Variants in CCDC190 observed in about 807,000 individuals in gnomAD.
The protein encoded by CCDC190 is coiled-coil domain-containing protein 190.
In CCDC190, 10 loss-of-function variants were observed where a neutral mutation model predicts 13.1. The observed-to-expected ratio is 0.77, with a 90% CI of 0.47 to 1.30. The LOEUF is 1.30. Ranked by LOEUF, CCDC190 falls within the 50% of genes most tolerant of loss-of-function variation. The pLI, the probability that CCDC190 is intolerant of heterozygous loss-of-function variation, is 0.00. For missense variants in CCDC190, 375 were observed against 354.3 expected, an observed-to-expected ratio of 1.06 and a Z score of -0.47; for synonymous variants, 136 against 127.2, an observed-to-expected ratio of 1.07 and a Z score of -0.47.
Position 162,855,079 on chromosome 1 carries a change from T to C in CCDC190, c.592A>G (p.Ser198Gly), listed in dbSNP as rs746336650. The part of the protein sequence containing the change: ...IEQGPSSSPA[S>G]DSGMACADET... ...TCAGCACATGCCATTCCACTATCAC[T>C]AGCTGGGCTGGAACTAGGACCTTGT... is the stretch of plus-strand genomic sequence containing the variant. The change falls in exon 4 of 4, where the codon AGT becomes GGT. Residue 198 changes from serine to glycine, a missense_variant. Transcript: ENST00000367912. 5 of 1,614,008 alleles carry C rather than the reference T, an allele frequency of 3.1e-6. No individual in the cohort carries two copies. The South Asian group carries it at 3.3e-5, about 11-fold the overall frequency.
chr1:162,865,232 A>G (rs1650654811), upstream of CCDC190, among the ~76,000 whole-genome samples: 1 of 152,280 alleles, frequency 6.6e-6, no homozygotes, highest in African/African-American at 2.4e-5. Context: ...TTTGCACCTA[A>G]TATGGGAAGC....
In CCDC190 at chr1:162,859,494, C is replaced by T. The variant is rs1324381945; in HGVS notation, c.153G>A (p.Arg51=). The T allele has an allele frequency of 6.2e-7, 1 of 1,613,640 alleles. No homozygotes were observed. Among genetic ancestry groups the T allele is most frequent in the Non-Finnish European group, 8.5e-7 (1 of 1,179,740 alleles). The stretch of plus-strand genomic sequence containing the variant: ...ACCTCTGCAGTTCTTTTTGGAGCTG[C>T]CTCTGCTCCCAGGTCAGCAATTTCA... ...YHVKLLTWEQ[R]QLQKELQRLQ... is the part of the protein sequence containing the mutation. The change falls in exon 2 of 4, where the codon AGG becomes AGA. Residue 51 remains arginine (R), a synonymous_variant. Transcript: ENST00000367912.
Position 162,854,551 on chromosome 1 carries a change from A to G in CCDC190, c.*214T>C. ...ACATCATAAACATATCACTTAAAATATTTTCAGAAGATTCATTCTTCCTCT... is the reference window on the plus strand; with the variant it reads ...ACATCATAAACATATCACTTAAAATGTTTTCAGAAGATTCATTCTTCCTCT... On this transcript the variant is annotated 3_prime_UTR_variant, in exon 4 of 4. Coordinates refer to ENST00000367912, the MANE Select transcript of CCDC190 (RefSeq NM_001394065.1). 1.0e-5 allele frequency: 14 copies of G among 1,346,178 alleles called. No homozygotes were observed. The highest frequency in any genetic ancestry group is 1.3e-5 in the Non-Finnish European group (14 of 1,051,332). The allele number at this position is 1,346,178 out of a possible 1,614,324, so 83.4% of individuals were successfully genotyped here.
chr1:162,862,136 CG>C (rs1173797412), upstream of CCDC190, among the ~76,000 whole-genome samples: 3 of 152,064 alleles, frequency 2.0e-5, no homozygotes, highest in East Asian at 5.8e-4. Context: ...AGACCAGGAT[CG>C]GGATTGTACC....
At chr1:162,862,833 C>G (rs1244779920), upstream of CCDC190, among the ~76,000 whole-genome samples, 1 of 152,136 alleles carries the variant, frequency 6.6e-6, no homozygotes, top group African/African-American at 2.4e-5. Flanking sequence ...CTTTTCCACT[C>G]CAAGGGTTGG....
At chr1:162,865,287 A>G (rs1650656190), upstream of CCDC190, among the ~76,000 whole-genome samples, 3 of 152,288 alleles carry the variant, frequency 2.0e-5, no homozygotes, top group South Asian at 6.2e-4. Context: ...ACCCACAGCT[A>G]TTGTCAGTGG....
chr1:162,864,823 A>G (rs2102265803), upstream of CCDC190, among the ~76,000 whole-genome samples: 1 of 152,210 alleles, frequency 6.6e-6, no homozygotes, highest in South Asian at 2.1e-4. Flanking sequence ...GAAAAATAGG[A>G]AAGAGGAAAT....
In CCDC190 at chr1:162,852,222, T is replaced by C. The variant is rs1571035558; in HGVS notation, c.*2543A>G. On this transcript the variant is annotated 3_prime_UTR_variant, in exon 4 of 4. Coordinates refer to ENST00000367912, the MANE Select transcript of CCDC190 (RefSeq NM_001394065.1). ...CTACTAGACTCCAGTGGCAGCCCCC[T>C]CACCTCAGTTATGACAACCAGAAAT... 1 of 152,358 alleles carries C rather than the reference T, an allele frequency of 6.6e-6. No individual in the cohort carries two copies. The highest frequency in any genetic ancestry group is 1.5e-5 in the Non-Finnish European group (1 of 68,050). 9.4% of individuals were successfully genotyped at this position (152,358 alleles called of 1,614,324 possible). A position where few individuals can be genotyped will look rare whatever the true frequency, so the allele number is the denominator to read the frequency against.
Position 162,855,751 on chromosome 1 carries a change from G to A in CCDC190, c.192C>T (p.Thr64=). 6.3e-7 allele frequency: 1 copy of A among 1,593,950 alleles called. No individual in the cohort carries two copies. Among genetic ancestry groups the A allele is most frequent in the Non-Finnish European group, 8.6e-7 (1 of 1,168,104 alleles). ...QKELQRLQQE[T]MKKKFSSYLG... is the part of the protein sequence containing the mutation. Reference sequence around the variant, plus strand: ...AATAAGAGGAGAACTTTTTCTTCATGGTTTCTGCTTTGAGTTAATTAAGAA... The same window carrying A: ...AATAAGAGGAGAACTTTTTCTTCATAGTTTCTGCTTTGAGTTAATTAAGAA... Residue 64 remains threonine (T), a synonymous_variant, in exon 3 of 4, where the codon ACC becomes ACT. Transcript: ENST00000367912.
chr1:162,863,239 A>G, upstream of CCDC190, among the ~76,000 whole-genome samples: 1 of 151,262 alleles, frequency 6.6e-6, no homozygotes, highest in South Asian at 2.1e-4. Context: ...TTGTAGTCAA[A>G]ACACATCTGG....
At position 162,854,110 on chromosome 1, in the gene CCDC190, A is replaced by T. The variant is rs569648974; in HGVS notation, c.*655T>A. 2.8e-5 allele frequency: 14 copies of T among 504,724 alleles called. No individual in the cohort carries two copies. The African/African-American group carries it at 2.9e-4, about 11-fold the overall frequency. 31.3% of individuals were successfully genotyped at this position (504,724 alleles called of 1,614,324 possible). A position where few individuals can be genotyped will look rare whatever the true frequency, so the allele number is the denominator to read the frequency against. On this transcript the variant is annotated 3_prime_UTR_variant, in exon 4 of 4. Coordinates refer to ENST00000367912, the MANE Select transcript of CCDC190 (RefSeq NM_001394065.1). ...TATGCATTTGACAGCATGTTGGGAG[A>T]TGATTAAAAGTTTTTTAAATCCTTT...
At chr1:162,855,979 G>C (rs1476295253) in intron 2 of CCDC190, 1 of 369,206 alleles carries the variant, frequency 2.7e-6, no homozygotes, top group Non-Finnish European at 4.9e-6. Context: ...CACAGGGAGA[G>C]CACTAAGAGA....
At chr1:162,862,823 C>T (rs988035935), upstream of CCDC190, among the ~76,000 whole-genome samples, 3 of 152,150 alleles carry the variant, frequency 2.0e-5, no homozygotes, top group African/African-American at 7.2e-5. Context: ...AAGATCATGC[C>T]TTTTCCACTC....
chr1:162,855,132 T>C lies in CCDC190; in HGVS notation c.539A>G (p.Asn180Ser), dbSNP rs762886124. The stretch of plus-strand genomic sequence containing the variant: ...TATGGTGTTGGTGGAAACCTCTTGA[T>C]TTTGGCATGGAACAGAGATGCCCTT... ...PSKGISVPCQ[N>S]QEVSTNTIEQ... The change falls in exon 4 of 4, where the codon AAT becomes AGT. Residue 180 changes from asparagine (N) to serine (S), a missense_variant. Physicochemically the swap from Asn to Ser is conservative, Grantham distance 46. Coordinates refer to ENST00000367912, the MANE Select transcript of CCDC190 (RefSeq NM_001394065.1). 1 of 1,613,900 alleles carries C rather than the reference T, an allele frequency of 6.2e-7. No individual in the cohort carries two copies. Among genetic ancestry groups the C allele is most frequent in the Admixed American group, 1.7e-5 (1 of 60,002 alleles).
chr1:162,864,321 A>G (rs1311543629), upstream of CCDC190, among the ~76,000 whole-genome samples: 1 of 152,202 alleles, frequency 6.6e-6, no homozygotes, highest in Non-Finnish European at 1.5e-5. Flanking sequence ...TTTCAGTCAC[A>G]CAGAAGCTTA....
chr1:162,856,652 G>A (rs932561202), intron 2 of CCDC190, among the ~76,000 whole-genome samples: 8 of 152,202 alleles, frequency 5.3e-5, no homozygotes, highest in African/African-American at 1.9e-4. Flanking sequence ...TCTTGGACTA[G>A]TTTTGCTCTA....
intron 2 of CCDC190, among the ~76,000 whole-genome samples, chr1:162,859,009 CTTTTTT>C (rs1234218121): frequency 6.6e-6 from 1 of 151,902 alleles, no homozygotes; most frequent in Non-Finnish European, 1.5e-5. Context: ...TTTTCTTTTT[CTTTTTT>C]AACTTTCATA....
Position 162,854,546 on chromosome 1 carries a change from A to C in CCDC190, c.*219T>G. 1 of 1,340,568 alleles carries C rather than the reference A, an allele frequency of 7.5e-7. No homozygotes were observed. The highest frequency in any genetic ancestry group is 9.5e-7 in the Non-Finnish European group (1 of 1,047,746). 83.0% of individuals were successfully genotyped at this position (1,340,568 alleles called of 1,614,324 possible). A position where few individuals can be genotyped will look rare whatever the true frequency, so the allele number is the denominator to read the frequency against. ...TGATGACATCATAAACATATCACTTAAAATATTTTCAGAAGATTCATTCTT... is the reference window on the plus strand; with the variant it reads ...TGATGACATCATAAACATATCACTTCAAATATTTTCAGAAGATTCATTCTT... On this transcript the variant is annotated 3_prime_UTR_variant, in exon 4 of 4. Coordinates refer to ENST00000367912, the MANE Select transcript of CCDC190 (RefSeq NM_001394065.1).
rs1489081608 is a variant in CCDC190, at chr1:162,859,517, T to G, written c.130A>C (p.Lys44Gln). ...RLKVICLYHV[K>Q]LLTWEQRQLQ... Reference sequence around the variant, plus strand: ...TGCCTCTGCTCCCAGGTCAGCAATTTCACATGGTAGAGGCAAATAACCTTT... The same window carrying G: ...TGCCTCTGCTCCCAGGTCAGCAATTGCACATGGTAGAGGCAAATAACCTTT... The change falls in exon 2 of 4, where the codon AAA becomes CAA. Residue 44 changes from lysine (K) to glutamine (Q), a missense_variant. Lys to Gln is a moderately conservative substitution (Grantham distance 53). Transcript: ENST00000367912. 2.5e-6 allele frequency: 4 copies of G among 1,613,688 alleles called. No homozygotes were observed. In the Admixed American group the frequency reaches 6.7e-5, roughly 27 times the overall value.
Sources: gnomAD v4.1 joint callset for allele counts (sites outside exome capture counted in the v4.1 genomes callset) on GRCh38, gnomAD v4.1.1 for gene constraint, MANE v1.5 for transcripts, NCBI Gene and HGNC (gene_info 2026-07-23, HGNC 2026-07-21) for gene names.